The following BNC2 variants were observed in gnomAD, a reference collection of about 807,000 sequenced individuals.
BNC2 encodes the protein zinc finger protein basonuclin-2.
Under a neutral mutation model 76.3 loss-of-function variants are expected in BNC2, and 20 were observed. That is an observed-to-expected ratio of 0.26 (90% CI 0.18 to 0.38). The LOEUF (loss-of-function observed/expected upper bound fraction) is 0.38, where lower values mean the gene tolerates loss of function less well. Among genes scored for constraint, BNC2 ranks in the 10% least tolerant of loss-of-function variants. The pLI, the probability that BNC2 is intolerant of heterozygous loss-of-function variation, is 1.00. For synonymous variants in BNC2, 582 were observed against 514.8 expected (o/e 1.13, Z -1.77); for missense variants, 1,382 against 1,399.8 (o/e 0.99, Z 0.20).
At chr9:16,810,434 G>A (rs986849480) in intron 1 of BNC2, among the ~76,000 whole-genome samples, 11 of 152,284 alleles carry the variant, frequency 7.2e-5, no homozygotes, top group Admixed American at 3.3e-4. Context: ...CAGGCTAGGC[G>A]TCCCACAGAG....
At position 16,697,510 on chromosome 9, in the gene BNC2, C is replaced by T. The variant is rs549083627; in HGVS notation, c.330+30287G>A. Among the ~76,000 whole-genome samples, 5 of 152,074 alleles carry T rather than the reference C, an allele frequency of 3.3e-5. No homozygotes were observed. The East Asian group carries it at 7.8e-4, about 24-fold the overall frequency. On this transcript the variant is annotated intron_variant, in intron 3 of 6. Coordinates refer to ENST00000380672, the MANE Select transcript of BNC2 (RefSeq NM_017637.6). ...GCTGAGGCAGGTGGACTGCTTGAGG[C>T]CAGGAGATCAAGACCAGCCTGGCCA... is the stretch of plus-strand genomic sequence containing the variant.
At chr9:16,825,203 T>C (rs1818425805) in intron 1 of BNC2, among the ~76,000 whole-genome samples, 1 of 152,174 alleles carries the variant, frequency 6.6e-6, no homozygotes, top group South Asian at 2.1e-4. Context: ...TCAAAGATGG[T>C]ACCTAGAGAT....
At chr9:16,677,391 G>A (rs544952559) in intron 3 of BNC2, among the ~76,000 whole-genome samples, 19 of 152,216 alleles carry the variant, frequency 1.2e-4, no homozygotes, top group Non-Finnish European at 2.6e-4. Context: ...CAGCCAACAT[G>A]GTGAAACTCC....
At chr9:16,645,249 G>A (rs1182721044) in intron 3 of BNC2, among the ~76,000 whole-genome samples, 4 of 152,144 alleles carry the variant, frequency 2.6e-5, no homozygotes, top group African/African-American at 9.7e-5. Flanking sequence ...ACTCTATATT[G>A]CTGTGGAAAA....
At chr9:16,728,685 C>G (rs533623988) in intron 2 of BNC2, among the ~76,000 whole-genome samples, 1 of 151,372 alleles carries the variant, frequency 6.6e-6, no homozygotes, top group African/African-American at 2.4e-5. Context: ...TCCTAAATAA[C>G]GTACATAGAG....
chr9:16,465,238 C>T (rs1821678886), intron 5 of BNC2, among the ~76,000 whole-genome samples: 1 of 152,128 alleles, frequency 6.6e-6, no homozygotes, highest in Non-Finnish European at 1.5e-5. Flanking sequence ...CAGTTCAAGA[C>T]CAGCCTGGCC....
intron 3 of BNC2, among the ~76,000 whole-genome samples, chr9:16,710,467 T>G (rs1037097448): frequency 7.2e-5 from 11 of 152,220 alleles, no homozygotes; most frequent in African/African-American, 2.7e-4. Context: ...AATGAGATAA[T>G]TAATAAGGAA....
chr9:16,788,936 C>A (rs535050829), intron 1 of BNC2, among the ~76,000 whole-genome samples: 25 of 152,134 alleles, frequency 1.6e-4, no homozygotes, highest in Non-Finnish European at 2.9e-4. Flanking sequence ...TCCTCCTTGG[C>A]ATCTCTATTC....
intron 5 of BNC2, among the ~76,000 whole-genome samples, chr9:16,464,603 C>T (rs1462337895): frequency 6.6e-6 from 1 of 152,044 alleles, no homozygotes; most frequent in African/African-American, 2.4e-5. Flanking sequence ...ATCTACTTTC[C>T]TTTCTTCTCA....
At chr9:16,809,942 T>C (rs1051897906) in intron 1 of BNC2, among the ~76,000 whole-genome samples, 1 of 152,230 alleles carries the variant, frequency 6.6e-6, no homozygotes, top group Non-Finnish European at 1.5e-5. Context: ...TAATCAATGC[T>C]TTGATGGCCA....
chr9:16,418,664 C>CTGTGTG lies in BNC2; in HGVS notation c.*319_*324dup, dbSNP rs139823578. On this transcript the variant is annotated 3_prime_UTR_variant, in exon 7 of 7. Transcript: ENST00000380672. ...TGTCAAAACTGGGGCTAGTTGCACA[C>CTGTGTG]TGTGTGTGTGTGTGTGTGTGTGTGT... 0.03 allele frequency: 6,366 copies of CTGTGTG among 214,778 alleles called. 322 individuals carry two copies. Among genetic ancestry groups the CTGTGTG allele is most frequent in the African/African-American group, 0.12 (4,833 of 40,740 alleles). 13.3% of individuals were successfully genotyped at this position (214,778 alleles called of 1,614,324 possible). A position where few individuals can be genotyped will look rare whatever the true frequency, so the allele number is the denominator to read the frequency against.
At chr9:16,546,520 G>A (rs1382561462) in intron 5 of BNC2, among the ~76,000 whole-genome samples, 1 of 152,132 alleles carries the variant, frequency 6.6e-6, no homozygotes, top group East Asian at 1.9e-4. Context: ...CCCTGGAAAG[G>A]CCAAGTCAAA....
intron 5 of BNC2, among the ~76,000 whole-genome samples, chr9:16,475,014 C>T (rs575060023): frequency 1.2e-4 from 18 of 152,266 alleles, no homozygotes; most frequent in African/African-American, 4.1e-4. Flanking sequence ...TATGAGATTG[C>T]AGCAAAGGAG....
intron 3 of BNC2, among the ~76,000 whole-genome samples, chr9:16,644,547 CA>C (rs1821573160): frequency 6.6e-6 from 1 of 151,656 alleles, no homozygotes; most frequent in African/African-American, 2.4e-5. Context: ...TGAATAATCC[CA>C]AATTCTCTAA....
In BNC2 at chr9:16,680,215, T is replaced by TTTGTTG. The variant is rs142459192; in HGVS notation, c.330+47576_330+47581dup. On this transcript the variant is annotated intron_variant, in intron 3 of 6. Transcript: ENST00000380672. ...GGAGGATTTAATCTTTTCAGGGGCT[T>TTTGTTG]TTGTTGTTGTTGTTGTTGTTAGCTT... 9.9e-5 allele frequency among the ~76,000 whole-genome samples: 15 copies of TTTGTTG among 152,022 alleles called. No individual in the cohort carries two copies. In the South Asian group the frequency reaches 1.2e-3, roughly 13 times the overall value.
intron 5 of BNC2, among the ~76,000 whole-genome samples, chr9:16,502,565 C>A (rs985246732): frequency 6.6e-6 from 1 of 151,988 alleles, no homozygotes; most frequent in South Asian, 2.1e-4. Context: ...CCCCCTCTTA[C>A]TTCTTCTTGG....
chr9:16,698,734 T>C (rs1332968385), intron 3 of BNC2, among the ~76,000 whole-genome samples: 3 of 151,750 alleles, frequency 2.0e-5, no homozygotes, highest in Non-Finnish European at 4.4e-5. Context: ...TTTACGGACA[T>C]GGAAAGATAC....
At chr9:16,679,014 G>A (rs956733375) in intron 3 of BNC2, among the ~76,000 whole-genome samples, 3 of 152,108 alleles carry the variant, frequency 2.0e-5, no homozygotes, top group African/African-American at 7.2e-5. Context: ...AGTGTCAGAG[G>A]CTCTCACAGG....
intron 5 of BNC2, among the ~76,000 whole-genome samples, chr9:16,501,994 T>C (rs1454931323): frequency 1.3e-5 from 2 of 152,220 alleles, no homozygotes; most frequent in African/African-American, 4.8e-5. Context: ...AAGGGCTTTT[T>C]TGACTGCTAG....
Sources: allele counts gnomAD v4.1 joint callset (sites outside exome capture counted in the v4.1 genomes callset), GRCh38; gene constraint gnomAD v4.1.1; transcripts MANE v1.5; gene names NCBI Gene and HGNC (gene_info 2026-07-23, HGNC 2026-07-21).